GRIK2: variants seen among roughly 807,000 people sequenced by gnomAD.
GRIK2 encodes glutamate ionotropic receptor kainate type subunit 2.
A neutral mutation model predicts 100.3 loss-of-function variants in GRIK2; 32 were observed. The ratio of observed to expected loss-of-function variants is 0.32; its 90% CI spans 0.24 to 0.43. The LOEUF (loss-of-function observed/expected upper bound fraction) is 0.43. GRIK2 is among the 20% of genes least tolerant of loss of function. GRIK2 has a pLI of 1.00. For synonymous variants in GRIK2, 417 were observed against 389.4 expected, an observed-to-expected ratio of 1.07 and a Z score of -0.83; for missense variants, 843 against 1,114.9, an observed-to-expected ratio of 0.76 and a Z score of 3.47.
intron 10 of GRIK2, among the ~76,000 whole-genome samples, chr6:101,833,127 G>C (rs1275791492): frequency 1.3e-5 from 2 of 152,016 alleles, no homozygotes; most frequent in Non-Finnish European, 2.9e-5. Context: ...TTATGGAAAT[G>C]CTCCTGTATT....
intron 14 of GRIK2, among the ~76,000 whole-genome samples, chr6:102,021,032 A>G (rs1409653869): frequency 6.6e-6 from 1 of 151,850 alleles, no homozygotes; most frequent in South Asian, 2.1e-4. Flanking sequence ...CTTCCTAGAC[A>G]TGGTCACAAC....
At chr6:101,624,899 A>AT (rs985542706) in intron 3 of GRIK2, among the ~76,000 whole-genome samples, 15 of 151,244 alleles carry the variant, frequency 9.9e-5, no homozygotes, top group Non-Finnish European at 1.3e-4. Flanking sequence ...GCCCAGCTGA[A>AT]TTTTTTTTTG....
At chr6:101,703,042 A>C (rs576884755) in intron 7 of GRIK2, among the ~76,000 whole-genome samples, 2 of 152,064 alleles carry the variant, frequency 1.3e-5, no homozygotes, top group East Asian at 3.9e-4. Context: ...TGAGCCTCTA[A>C]CAGTATTTGG....
At chr6:101,417,066 T>G (rs886820970) in intron 2 of GRIK2, among the ~76,000 whole-genome samples, 1 of 152,218 alleles carries the variant, frequency 6.6e-6, no homozygotes, top group Non-Finnish European at 1.5e-5. Context: ...CAGTTCCACA[T>G]GGCTAGGGAG....
intron 2 of GRIK2, among the ~76,000 whole-genome samples, chr6:101,539,191 C>G (rs1265385949): frequency 6.6e-6 from 1 of 151,712 alleles, no homozygotes; most frequent in South Asian, 2.1e-4. Flanking sequence ...CAGTTCACTT[C>G]TGTTGTAGAT....
chr6:101,967,262 G>T (rs1306694175), intron 14 of GRIK2, among the ~76,000 whole-genome samples: 1 of 151,716 alleles, frequency 6.6e-6, no homozygotes, highest in Non-Finnish European at 1.5e-5. Flanking sequence ...ACTTAACATT[G>T]ATACTTTATA....
intron 2 of GRIK2, among the ~76,000 whole-genome samples, chr6:101,507,492 G>A (rs1211673270): frequency 1.3e-5 from 2 of 151,620 alleles, no homozygotes; most frequent in African/African-American, 4.8e-5. Flanking sequence ...TGAGAACTTA[G>A]GTTTAAAAAA....
chr6:101,745,664 T>C (rs1437606777), intron 7 of GRIK2, among the ~76,000 whole-genome samples: 1 of 152,142 alleles, frequency 6.6e-6, no homozygotes, highest in Non-Finnish European at 1.5e-5. Context: ...AAATTAGCCA[T>C]GTTTATTTTT....
At chr6:101,754,958 T>C (rs1777033533) in intron 7 of GRIK2, among the ~76,000 whole-genome samples, 1 of 152,044 alleles carries the variant, frequency 6.6e-6, no homozygotes, top group Non-Finnish European at 1.5e-5. Context: ...CATGGGAGAA[T>C]ATGAACTTGA....
intron 7 of GRIK2, among the ~76,000 whole-genome samples, chr6:101,756,365 A>G (rs898860335): frequency 1.3e-5 from 1 of 79,608 alleles, no homozygotes; most frequent in Non-Finnish European, 2.2e-5. Flanking sequence ...TAGAAAATTA[A>G]GTTTCTTATC....
intron 10 of GRIK2, among the ~76,000 whole-genome samples, chr6:101,823,624 T>C (rs769807486): frequency 3.9e-5 from 6 of 152,068 alleles, no homozygotes; most frequent in Non-Finnish European, 5.9e-5. Flanking sequence ...TGCATAGAGG[T>C]TGTTAAAATA....
chr6:101,586,916 GAGAT>G (rs1778401209), intron 2 of GRIK2, among the ~76,000 whole-genome samples: 1 of 132,154 alleles, frequency 7.6e-6, no homozygotes, highest in Admixed American at 7.6e-5. Flanking sequence ...AAAAAAAAGA[GAGAT>G]ATCAAAAACA....
intron 2 of GRIK2, among the ~76,000 whole-genome samples, chr6:101,566,733 A>G (rs1467891401): frequency 6.6e-6 from 1 of 150,660 alleles, no homozygotes; most frequent in Non-Finnish European, 1.5e-5. Context: ...TAAAACAAGA[A>G]AATTTTTTTA....
At chr6:101,395,012 T>G (rs1190242800) in intron 1 of GRIK2, among the ~76,000 whole-genome samples, 1 of 152,232 alleles carries the variant, frequency 6.6e-6, no homozygotes, top group African/African-American at 2.4e-5. Context: ...TACACTTATT[T>G]TAGTGTCTAA....
intron 7 of GRIK2, among the ~76,000 whole-genome samples, chr6:101,764,417 A>G (rs757405967): frequency 1.3e-5 from 2 of 152,142 alleles, no homozygotes; most frequent in African/African-American, 2.4e-5. Flanking sequence ...AGAAGAGGGA[A>G]AAGATAACCA....
chr6:101,763,765 T>G (rs1777873842), intron 7 of GRIK2, among the ~76,000 whole-genome samples: 1 of 152,188 alleles, frequency 6.6e-6, no homozygotes, highest in African/African-American at 2.4e-5. Flanking sequence ...AGGTGTGTGA[T>G]CTATATAGTC....
At chr6:101,709,939 G>T (rs1415482) in intron 7 of GRIK2, among the ~76,000 whole-genome samples, 30,576 of 151,684 alleles carry the variant, frequency 0.2, 5,357 homozygotes, top group African/African-American at 0.48. Context: ...GGGGTTTGCC[G>T]TGCTGCTGAA....
At position 101,676,816 on chromosome 6, in the gene GRIK2, A is replaced by G. The variant is rs375403818; in HGVS notation, c.723+12A>G. 7 of 1,493,006 alleles carry G rather than the reference A, an allele frequency of 4.7e-6. No individual in the cohort carries two copies. In the African/African-American group the frequency reaches 9.9e-5, roughly 21 times the overall value. The allele number at this position is 1,493,006 out of a possible 1,614,324, so 92.5% of individuals were successfully genotyped here. A position where few individuals can be genotyped will look rare whatever the true frequency, so the allele number is the denominator to read the frequency against. ...GCATTTTAAAACAGGTAACCTTTAA[A>G]TTACTTCAATTCTTGTTTTCTTCAT... On this transcript the variant is annotated intron_variant, in intron 5 of 16. Coordinates refer to ENST00000369134, the MANE Select transcript of GRIK2 (RefSeq NM_021956.5).
intron 2 of GRIK2, among the ~76,000 whole-genome samples, chr6:101,498,226 C>T (rs1241015086): frequency 4.0e-5 from 6 of 150,936 alleles, no homozygotes; most frequent in Non-Finnish European, 8.9e-5. Flanking sequence ...CATAGTATTC[C>T]ATGGTGTATA....
Sources: allele counts gnomAD v4.1 joint callset (sites outside exome capture counted in the v4.1 genomes callset), GRCh38; gene constraint gnomAD v4.1.1; transcripts MANE v1.5; gene names NCBI Gene and HGNC (gene_info 2026-07-23, HGNC 2026-07-21).